MFAP3L: variants seen among roughly 807,000 people sequenced by gnomAD.
The protein encoded by MFAP3L is microfibril associated protein 3 like.
In MFAP3L, 5 loss-of-function variants were observed where a neutral mutation model predicts 20.0. The observed-to-expected ratio is 0.25, with a 90% CI of 0.13 to 0.53. The LOEUF (loss-of-function observed/expected upper bound fraction) is 0.53. Ranked by LOEUF, MFAP3L falls within the 20% of genes least tolerant of loss-of-function variation. The pLI, the probability that MFAP3L is intolerant of heterozygous loss-of-function variation, is 0.96. For synonymous variants in MFAP3L, 219 were observed against 213.0 expected (o/e 1.03, Z -0.25); for missense variants, 409 against 527.5 (o/e 0.78, Z 2.20).
intron 1 of MFAP3L, among the ~76,000 whole-genome samples, chr4:170,018,099 T>C (rs1739810717): frequency 6.6e-6 from 1 of 152,188 alleles, no homozygotes; most frequent in African/African-American, 2.4e-5. Flanking sequence ...CAAAGCAATA[T>C]GCAATTATGG....
Position 169,991,272 on chromosome 4 carries a change from G to A in MFAP3L, c.*106C>T, listed in dbSNP as rs938887227. The A allele has an allele frequency of 3.6e-5, 43 of 1,205,634 alleles. No homozygotes were observed. Among genetic ancestry groups the A allele is most frequent in the Non-Finnish European group, 4.4e-5 (38 of 861,342 alleles). 74.7% of individuals were successfully genotyped at this position (1,205,634 alleles called of 1,614,324 possible). A position where few individuals can be genotyped will look rare whatever the true frequency, so the allele number is the denominator to read the frequency against. ...TTAAAGTGGCATCACTCCTACCTAA[G>A]GGATGAGAGTCTCCTGGTAAGGCTT... On this transcript the variant is annotated 3_prime_UTR_variant, in exon 3 of 3. Coordinates refer to ENST00000361618, the MANE Select transcript of MFAP3L (RefSeq NM_021647.8). This position sits in a 1 kb window ranked among gnomAD's most constrained non-coding sequence, Gnocchi z 4.9.
chr4:170,014,755 C>G (rs1270009742), intron 1 of MFAP3L, among the ~76,000 whole-genome samples: 2 of 152,210 alleles, frequency 1.3e-5, no homozygotes, highest in African/African-American at 4.8e-5. Context: ...CAATTCCTAC[C>G]TCTCCCTCAC....
intron 1 of MFAP3L, among the ~76,000 whole-genome samples, chr4:170,009,027 CA>C (rs1253340989): frequency 2.0e-5 from 3 of 152,130 alleles, no homozygotes; most frequent in Non-Finnish European, 2.9e-5. Context: ...TGGACGCTGG[CA>C]AAATATTCTG....
At position 170,026,251 on chromosome 4, in the gene MFAP3L, CTCAGG is replaced by C; in HGVS notation, c.-156_-152del. 17 of 984,656 alleles carry C rather than the reference CTCAGG, an allele frequency of 1.7e-5. No homozygotes were observed. The highest frequency in any genetic ancestry group is 2.0e-5 in the Non-Finnish European group (17 of 829,726). 61.0% of individuals were successfully genotyped at this position (984,656 alleles called of 1,614,324 possible). A position where few individuals can be genotyped will look rare whatever the true frequency, so the allele number is the denominator to read the frequency against. On this transcript the variant is annotated 5_prime_UTR_variant, in exon 1 of 3. An upstream open reading frame in the 5' UTR gains an earlier in-frame stop. Coordinates refer to ENST00000361618, the MANE Select transcript of MFAP3L (RefSeq NM_021647.8). The stretch of plus-strand genomic sequence containing the variant: ...CCGCTAACCTGACACCGCCGCGCCA[CTCAGG>C]TGGCCGCCGTGCACCCCTCGCCATG...
intron 2 of MFAP3L, chr4:170,002,075 C>T (rs1441554938): frequency 6.1e-6 from 6 of 985,194 alleles, no homozygotes; most frequent in East Asian, 2.3e-4. Flanking sequence ...CCTTTTTGTG[C>T]ATGTGCATGC....
At position 169,986,774 on chromosome 4, in the gene MFAP3L, G is replaced by A. The variant is rs992427224; in HGVS notation, c.*4604C>T. 5 of 152,128 alleles carry A rather than the reference G, an allele frequency of 3.3e-5. No homozygotes were observed. The highest frequency in any genetic ancestry group is 9.7e-5 in the African/African-American group (4 of 41,434). The allele number at this position is 152,128 out of a possible 1,614,324, so 9.4% of individuals were successfully genotyped here. A position where few individuals can be genotyped will look rare whatever the true frequency, so the allele number is the denominator to read the frequency against. ...ATCACCAGATTGACATTTCTGTCGA[G>A]ACATTTTTCCATTTTCCAATTTTAA... On this transcript the variant is annotated 3_prime_UTR_variant, in exon 3 of 3. Transcript: ENST00000361618.
At chr4:169,997,507 A>G (rs369899797) in intron 2 of MFAP3L, among the ~76,000 whole-genome samples, 31 of 152,368 alleles carry the variant, frequency 2.0e-4, no homozygotes, top group African/African-American at 7.2e-4. Context: ...GGAAAAGGCT[A>G]TGAACAGATC....
At chr4:170,010,812 G>C (rs1190717318) in intron 1 of MFAP3L, among the ~76,000 whole-genome samples, 2 of 151,954 alleles carry the variant, frequency 1.3e-5, no homozygotes, top group South Asian at 2.1e-4. Flanking sequence ...GCATTGCGGG[G>C]GGGTGGGTGC....
chr4:170,016,341 C>A (rs1214059780), intron 1 of MFAP3L, among the ~76,000 whole-genome samples: 1 of 152,178 alleles, frequency 6.6e-6, no homozygotes, highest in African/African-American at 2.4e-5. Flanking sequence ...CCTCCCTGGG[C>A]TCTGCTAATC....
At chr4:170,020,402 A>G (rs1044440813) in intron 1 of MFAP3L, among the ~76,000 whole-genome samples, 3 of 151,944 alleles carry the variant, frequency 2.0e-5, no homozygotes, top group Non-Finnish European at 4.4e-5. Flanking sequence ...CATCATCTCT[A>G]CTGGACTCCT....
At chr4:170,001,859 A>G in intron 2 of MFAP3L, 1 of 898,900 alleles carries the variant, frequency 1.1e-6, no homozygotes, top group Non-Finnish European at 1.3e-6. Context: ...TTGAAGTGAC[A>G]GCACCAGGCA....
intron 1 of MFAP3L, among the ~76,000 whole-genome samples, chr4:170,021,789 A>C (rs1050726357): frequency 1.4e-4 from 21 of 152,228 alleles, no homozygotes; most frequent in African/African-American, 5.1e-4. Flanking sequence ...AAGAATTACT[A>C]GATTTCTAAT....
chr4:170,010,379 G>T (rs961417065), intron 1 of MFAP3L, among the ~76,000 whole-genome samples: 1 of 152,118 alleles, frequency 6.6e-6, no homozygotes, highest in Non-Finnish European at 1.5e-5. Flanking sequence ...AGAGTCTCTT[G>T]AACAGCATGG....
At chr4:169,998,665 A>C (rs1353648538) in intron 2 of MFAP3L, among the ~76,000 whole-genome samples, 1 of 152,222 alleles carries the variant, frequency 6.6e-6, no homozygotes, top group Non-Finnish European at 1.5e-5. Flanking sequence ...CGTGTGTGTA[A>C]ACAGTGATGG....
In MFAP3L at chr4:169,990,302, G is replaced by A. The variant is rs895715651; in HGVS notation, c.*1076C>T. 3 of 152,122 alleles carry A rather than the reference G, an allele frequency of 2.0e-5. No individual in the cohort carries two copies. The highest frequency in any genetic ancestry group is 6.5e-5 in the Admixed American group (1 of 15,272). The allele number at this position is 152,122 out of a possible 1,614,324, so 9.4% of individuals were successfully genotyped here. A position where few individuals can be genotyped will look rare whatever the true frequency, so the allele number is the denominator to read the frequency against. On this transcript the variant is annotated 3_prime_UTR_variant, in exon 3 of 3. Transcript: ENST00000361618. The stretch of plus-strand genomic sequence containing the variant: ...CCCTTTGCTATTACCCTAACCTTTC[G>A]CTTTCCTCTTTAAGGACAACCAAGT...
intron 1 of MFAP3L, among the ~76,000 whole-genome samples, chr4:170,013,038 A>G (rs1739481658): frequency 6.6e-6 from 1 of 152,202 alleles, no homozygotes; most frequent in South Asian, 2.1e-4. Flanking sequence ...CAAACTTAAA[A>G]ACAAACTATA....
chr4:170,005,880 T>C lies in MFAP3L; in HGVS notation c.-3A>G. On this transcript the variant is annotated 5_prime_UTR_variant, in exon 2 of 3. Transcript: ENST00000361618. Reference sequence around the variant, plus strand: ...AGATGGCTCTTCAATCGATCCATCTTCTTTGCTTGCTCTGTAAGGCAATAG... The same window carrying C: ...AGATGGCTCTTCAATCGATCCATCTCCTTTGCTTGCTCTGTAAGGCAATAG... The C allele has an allele frequency of 1.2e-6, 2 of 1,612,548 alleles. No individual in the cohort carries two copies. Among genetic ancestry groups the C allele is most frequent in the Non-Finnish European group, 1.7e-6 (2 of 1,178,810 alleles).
At chr4:169,997,768 G>A (rs1483369915) in intron 2 of MFAP3L, 6 of 983,186 alleles carry the variant, frequency 6.1e-6, no homozygotes, top group East Asian at 2.3e-4. Flanking sequence ...CTGGATGGCC[G>A]ACTCCTGCCC....
intron 1 of MFAP3L, among the ~76,000 whole-genome samples, chr4:170,007,297 A>G (rs1581496196): frequency 6.6e-6 from 1 of 152,202 alleles, no homozygotes; most frequent in East Asian, 1.9e-4. Context: ...CTGCAATGGC[A>G]TGATAGACAC....
Sources: allele counts gnomAD v4.1 joint callset (sites outside exome capture counted in the v4.1 genomes callset), GRCh38; gene constraint gnomAD v4.1.1; non-coding constraint Gnocchi (gnomAD v3.1); transcripts MANE v1.5; gene names NCBI Gene and HGNC (gene_info 2026-07-23, HGNC 2026-07-21).